MSH3: variants seen among roughly 807,000 people sequenced by gnomAD.
The protein encoded by MSH3 is mutS homolog 3, also known as DNA mismatch repair protein Msh3.
In MSH3, 106 loss-of-function variants were observed where a neutral mutation model predicts 123.3. The observed-to-expected ratio is 0.86, with a 90% CI of 0.73 to 1.01. The LOEUF (loss-of-function observed/expected upper bound fraction) is 1.01, where lower values mean the gene tolerates loss of function less well. Among genes scored for constraint, MSH3 ranks in the 50% least tolerant of loss-of-function variants. The pLI, the probability that MSH3 is intolerant of heterozygous loss-of-function variation, is 0.00. For synonymous variants in MSH3, 515 were observed against 481.4 expected, an observed-to-expected ratio of 1.07 and a Z score of -0.91; for missense variants, 1,459 against 1,347.6, an observed-to-expected ratio of 1.08 and a Z score of -1.29.
Position 80,871,560 on chromosome 5 carries a change from C to T in MSH3, c.3131-1556C>T, listed in dbSNP as rs184848162. Among the ~76,000 whole-genome samples, 527 of 152,286 alleles carry T rather than the reference C, an allele frequency of 3.5e-3. 5 individuals are homozygous for T. The highest frequency in any genetic ancestry group is 8.3e-3 in the African/African-American group (344 of 41,574). Reference sequence around the variant, plus strand: ...CTCCCAATATCTGCTTCCAAGCCCACTCATGTGGCTGTTGGCATGCCTTAG... The same window carrying T: ...CTCCCAATATCTGCTTCCAAGCCCATTCATGTGGCTGTTGGCATGCCTTAG... On this transcript the variant is annotated intron_variant, in intron 22 of 23. Transcript: ENST00000265081.
At chr5:80,815,166 A>C (rs1474583599) in intron 20 of MSH3, among the ~76,000 whole-genome samples, 2 of 152,190 alleles carry the variant, frequency 1.3e-5, no homozygotes, top group Non-Finnish European at 2.9e-5. Flanking sequence ...AGAATGAACA[A>C]AGTACCCTGA....
intron 17 of MSH3, among the ~76,000 whole-genome samples, chr5:80,783,390 G>A (rs1437771239): frequency 1.3e-5 from 2 of 152,126 alleles, no homozygotes; most frequent in Admixed American, 6.5e-5. Context: ...TTGAAGTTTG[G>A]CAAAGTGTAT....
At chr5:80,731,186 A>C (rs1743405893) in intron 10 of MSH3, among the ~76,000 whole-genome samples, 1 of 152,122 alleles carries the variant, frequency 6.6e-6, no homozygotes. Context: ...TACAGGTGTG[A>C]GCCACCGTGT....
At chr5:80,866,886 GTT>G (rs1177068581) in intron 22 of MSH3, among the ~76,000 whole-genome samples, 1 of 151,974 alleles carries the variant, frequency 6.6e-6, no homozygotes, top group Non-Finnish European at 1.5e-5. Context: ...GTTTTGTTTT[GTT>G]TTTGAGTCTA....
intron 8 of MSH3, among the ~76,000 whole-genome samples, chr5:80,711,921 TG>T (rs1420264555): frequency 1.3e-5 from 2 of 152,224 alleles, no homozygotes; most frequent in African/African-American, 2.4e-5. Flanking sequence ...CCCACAGTGC[TG>T]GGATTACAGG....
rs182880407 is a variant in MSH3, at chr5:80,875,336, G to A, written c.3303-415G>A. ...GCAGAAAAAAAAAAAAAGTAAGTCT[G>A]TGTTATGCTGGCGTTTTACTCTTTA... On this transcript the variant is annotated intron_variant, in intron 23 of 23. Coordinates refer to ENST00000265081, the MANE Select transcript of MSH3 (RefSeq NM_002439.5). 1.1e-4 allele frequency among the ~76,000 whole-genome samples: 16 copies of A among 152,186 alleles called. No homozygotes were observed. In the East Asian group the frequency reaches 3.1e-3, roughly 29 times the overall value.
At chr5:80,849,721 T>C (rs1745795916) in intron 20 of MSH3, among the ~76,000 whole-genome samples, 1 of 152,058 alleles carries the variant, frequency 6.6e-6, no homozygotes, top group Non-Finnish European at 1.5e-5. Context: ...GCCTGGCCCA[T>C]GAAACCACTT....
chr5:80,655,181 A>C, intron 1 of MSH3: 1 of 417,850 alleles, frequency 2.4e-6, no homozygotes. Flanking sequence ...GGCAAAGGTT[A>C]TGCAGGTTTT....
At chr5:80,725,661 ATTAT>A (rs1331814834) in intron 9 of MSH3, 96 bp downstream of exon 9, 178 of 834,354 alleles carry the variant, frequency 2.1e-4, no homozygotes, top group Admixed American at 3.4e-4. Flanking sequence ...CTAGGTAGTT[ATTAT>A]AAATATGTGG....
intron 20 of MSH3, among the ~76,000 whole-genome samples, chr5:80,815,684 T>A (rs573388327): frequency 1.5e-3 from 233 of 152,288 alleles, no homozygotes; most frequent in South Asian, 0.015. Flanking sequence ...ACCCTTTTTT[T>A]AAAAAATTTT....
intron 21 of MSH3, among the ~76,000 whole-genome samples, chr5:80,859,909 A>G (rs973808546): frequency 6.6e-6 from 1 of 151,440 alleles, no homozygotes; most frequent in Admixed American, 6.6e-5. Flanking sequence ...TATCAGTTAT[A>G]TTTCTTGTTT....
At chr5:80,848,155 G>T (rs1366847578) in intron 20 of MSH3, among the ~76,000 whole-genome samples, 1 of 152,336 alleles carries the variant, frequency 6.6e-6, no homozygotes, top group East Asian at 1.9e-4. Flanking sequence ...TCTGAGCACA[G>T]GAAGGTTGAG....
At chr5:80,754,590 A>G (rs1296746411) in intron 12 of MSH3, among the ~76,000 whole-genome samples, 1 of 152,198 alleles carries the variant, frequency 6.6e-6, no homozygotes, top group Non-Finnish European at 1.5e-5. Flanking sequence ...AATGAGTAAT[A>G]CCTTTATAAG....
At position 80,873,401 on chromosome 5, in the gene MSH3, A is replaced by G; in HGVS notation, c.3302+114A>G. 3.9e-6 allele frequency: 4 copies of G among 1,018,816 alleles called. No homozygotes were observed. The South Asian group carries it at 5.8e-5, about 15-fold the overall frequency. 63.1% of individuals were successfully genotyped at this position (1,018,816 alleles called of 1,614,324 possible). ...AGGTCTACTTTTAAGCACCTCTTCA[A>G]ATATTCTGAACCATTTAATTATGAT... is the stretch of plus-strand genomic sequence containing the variant. On this transcript the variant is annotated intron_variant, in intron 23 of 23. Transcript: ENST00000265081.
At chr5:80,865,567 C>T (rs1398396734) in intron 22 of MSH3, among the ~76,000 whole-genome samples, 2 of 152,158 alleles carry the variant, frequency 1.3e-5, no homozygotes, top group African/African-American at 4.8e-5. Context: ...TTTCCAGTTA[C>T]TGGTGTCACA....
At chr5:80,691,751 A>G (rs920740035) in intron 8 of MSH3, among the ~76,000 whole-genome samples, 1 of 143,666 alleles carries the variant, frequency 7.0e-6, no homozygotes, top group East Asian at 2.0e-4. Context: ...ATGTGTGTGT[A>G]TATATATATT....
Position 80,726,280 on chromosome 5 carries a change from A to G in MSH3, c.1453+715A>G, listed in dbSNP as rs6151726. ...TTGGCTTCACTCTAATCTTCATCCT[A>G]CTCCATATGGAGGAAATTTATCTCT... On this transcript the variant is annotated intron_variant, in intron 9 of 23. Coordinates refer to ENST00000265081, the MANE Select transcript of MSH3 (RefSeq NM_002439.5). Among the ~76,000 whole-genome samples, 1,428 of 151,948 alleles carry G rather than the reference A, an allele frequency of 9.4e-3. 20 individuals carry two copies. Among genetic ancestry groups the G allele is most frequent in the African/African-American group, 0.032 (1,320 of 41,430 alleles).
chr5:80,672,065 A>G (rs2112813588), intron 4 of MSH3, among the ~76,000 whole-genome samples, 179 bp from the exon 5 acceptor site: 1 of 152,292 alleles, frequency 6.6e-6, no homozygotes. Flanking sequence ...AAATACATTA[A>G]ACCATAGGCT....
chr5:80,814,507 G>A (rs537048628), intron 20 of MSH3, among the ~76,000 whole-genome samples: 4 of 152,176 alleles, frequency 2.6e-5, no homozygotes, highest in Non-Finnish European at 5.9e-5. Flanking sequence ...CTGACCCCAA[G>A]TGAGCCGCCC....
Sources: gnomAD v4.1 joint callset for allele counts (sites outside exome capture counted in the v4.1 genomes callset) on GRCh38, gnomAD v4.1.1 for gene constraint, MANE v1.5 for transcripts, NCBI Gene and HGNC (gene_info 2026-07-23, HGNC 2026-07-21) for gene names.